SLC4A10: variants seen among roughly 807,000 people sequenced by gnomAD.
SLC4A10 encodes the protein sodium-driven chloride bicarbonate exchanger.
In SLC4A10, 42 loss-of-function variants were observed where a neutral mutation model predicts 137.7. That is an observed-to-expected ratio of 0.30 (90% CI 0.24 to 0.39). The LOEUF (loss-of-function observed/expected upper bound fraction) is 0.39. Ranked by LOEUF, SLC4A10 falls within the 10% of genes least tolerant of loss-of-function variation. The pLI, the probability that SLC4A10 is intolerant of heterozygous loss-of-function variation, is 1.00. For missense variants in SLC4A10, 925 were observed against 1,355.0 expected, an observed-to-expected ratio of 0.68 and a Z score of 4.98; for synonymous variants, 474 against 464.1, an observed-to-expected ratio of 1.02 and a Z score of -0.27.
At chr2:161,916,200 T>C (rs1687080763) in intron 15 of SLC4A10, among the ~76,000 whole-genome samples, 2 of 152,244 alleles carry the variant, frequency 1.3e-5, no homozygotes, top group Non-Finnish European at 2.9e-5. Flanking sequence ...TAAATGTTTG[T>C]ATTTTAGTCC....
intron 6 of SLC4A10, 62 bp from the exon 7 acceptor site, chr2:161,872,231 A>C: frequency 7.7e-7 from 1 of 1,290,606 alleles, no homozygotes; most frequent in Non-Finnish European, 1.1e-6. Flanking sequence ...TGCCTATTTC[A>C]CTCAGTATGT....
intron 3 of SLC4A10, among the ~76,000 whole-genome samples, chr2:161,808,252 A>G (rs1017631965): frequency 6.6e-6 from 1 of 151,152 alleles, no homozygotes; most frequent in Non-Finnish European, 1.5e-5. Context: ...ATTCCTTTCA[A>G]TTTCATTTTC....
At chr2:161,665,995 TA>T (rs1256262135) in intron 1 of SLC4A10, among the ~76,000 whole-genome samples, 4 of 149,802 alleles carry the variant, frequency 2.7e-5, no homozygotes, top group Admixed American at 2.7e-4. Flanking sequence ...AGCTTTCATT[TA>T]ATAGGAAATT....
At chr2:161,841,303 C>T (rs1415139731) in intron 4 of SLC4A10, among the ~76,000 whole-genome samples, 3 of 152,118 alleles carry the variant, frequency 2.0e-5, no homozygotes, top group African/African-American at 7.2e-5. Context: ...GTCTCGAACT[C>T]CTGACCTCAA....
chr2:161,783,577 A>G (rs542791310), intron 2 of SLC4A10, among the ~76,000 whole-genome samples: 1 of 152,064 alleles, frequency 6.6e-6, no homozygotes, highest in South Asian at 2.1e-4. Context: ...AAGTAAAACT[A>G]TGTTAATAGA....
At chr2:161,631,836 A>G (rs2033617702) in intron 1 of SLC4A10, among the ~76,000 whole-genome samples, 1 of 151,698 alleles carries the variant, frequency 6.6e-6, no homozygotes, top group Admixed American at 6.6e-5. Context: ...TCAGAAGATG[A>G]AAATGGAGAT....
chr2:161,978,312 A>G (rs1699704016), intron 26 of SLC4A10, among the ~76,000 whole-genome samples: 1 of 147,952 alleles, frequency 6.8e-6, no homozygotes, highest in African/African-American at 2.5e-5. Flanking sequence ...GCTTGAGCCC[A>G]AGAGGCAGAG....
At chr2:161,968,982 T>C (rs1389969962) in intron 23 of SLC4A10, among the ~76,000 whole-genome samples, 1 of 152,204 alleles carries the variant, frequency 6.6e-6, no homozygotes, top group Non-Finnish European at 1.5e-5. Flanking sequence ...AGATTGTGTG[T>C]TAAGGTGGTA....
At chr2:161,974,446 G>C (rs115622587) in intron 24 of SLC4A10, 130 bp downstream of exon 24, 6,803 of 673,298 alleles carry the variant, frequency 0.01, 46 homozygotes, top group Non-Finnish European at 0.014. Context: ...AGAACGAAGA[G>C]TTAGATAACA....
chr2:161,943,871 C>A (rs1434629775), intron 16 of SLC4A10, among the ~76,000 whole-genome samples: 1 of 151,886 alleles, frequency 6.6e-6, no homozygotes, highest in Non-Finnish European at 1.5e-5. Flanking sequence ...TACTATAAAA[C>A]TCTAAACATG....
At chr2:161,966,594 C>CCCCGTGTCCACT (rs1697624212) in intron 23 of SLC4A10, among the ~76,000 whole-genome samples, 1 of 151,786 alleles carries the variant, frequency 6.6e-6, no homozygotes, top group East Asian at 1.9e-4. Context: ...ACTAAAAATA[C>CCCCGTGTCCACT]AAAAATTAGC....
intron 15 of SLC4A10, among the ~76,000 whole-genome samples, chr2:161,906,750 A>C (rs1182126867): frequency 1.3e-5 from 2 of 152,204 alleles, no homozygotes; most frequent in East Asian, 1.9e-4. Flanking sequence ...TCAGAAGTTT[A>C]AATTGTTGAA....
intron 23 of SLC4A10, among the ~76,000 whole-genome samples, chr2:161,966,744 A>T (rs1202735896): frequency 4.0e-5 from 3 of 74,148 alleles, no homozygotes; most frequent in Non-Finnish European, 1.3e-4. Flanking sequence ...TCAAAAAAAA[A>T]AAAAACAAAA....
At chr2:161,684,837 AAC>A (rs1369131375) in intron 1 of SLC4A10, among the ~76,000 whole-genome samples, 2 of 152,294 alleles carry the variant, frequency 1.3e-5, no homozygotes, top group East Asian at 3.9e-4. Flanking sequence ...CATAACTTAA[AAC>A]ACAGGTTATG....
intron 11 of SLC4A10, among the ~76,000 whole-genome samples, chr2:161,896,178 C>A (rs1488428755): frequency 6.6e-6 from 1 of 151,994 alleles, no homozygotes; most frequent in Non-Finnish European, 1.5e-5. Flanking sequence ...GGAATCCTTT[C>A]CCCATTGCTT....
intron 3 of SLC4A10, among the ~76,000 whole-genome samples, chr2:161,827,693 G>A (rs946746981): frequency 6.6e-6 from 1 of 151,866 alleles, no homozygotes; most frequent in South Asian, 2.1e-4. Flanking sequence ...AGCCTTCCGA[G>A]TAGCTGGGAC....
intron 10 of SLC4A10, among the ~76,000 whole-genome samples, chr2:161,893,062 C>A (rs1201072740): frequency 6.6e-6 from 1 of 151,916 alleles, no homozygotes; most frequent in African/African-American, 2.4e-5. Context: ...AGTCACTAAA[C>A]CAGAAAAAAA....
At chr2:161,974,179 G>C in intron 23 of SLC4A10, 70 bp from the exon 24 acceptor site, 1 of 1,264,252 alleles carries the variant, frequency 7.9e-7, no homozygotes, top group Non-Finnish European at 1.1e-6. Flanking sequence ...ACATTAATCT[G>C]TGTTTCTTCT....
chr2:161,826,096 A>G (rs1241501766), intron 3 of SLC4A10, among the ~76,000 whole-genome samples: 1 of 152,234 alleles, frequency 6.6e-6, no homozygotes, highest in Non-Finnish European at 1.5e-5. Flanking sequence ...AGAAATTTCA[A>G]TGAATAGATT....
Sources: allele counts gnomAD v4.1 joint callset (sites outside exome capture counted in the v4.1 genomes callset), GRCh38; gene constraint gnomAD v4.1.1; transcripts MANE v1.5; gene names NCBI Gene and HGNC (gene_info 2026-07-23, HGNC 2026-07-21).